WDR44: variants seen among roughly 807,000 people sequenced by gnomAD.
WDR44 encodes the protein WD repeat domain 44, also known as WD repeat-containing protein 44.
A neutral mutation model predicts 65.7 loss-of-function variants in WDR44; 9 were observed. That is an observed-to-expected ratio of 0.14 (90% CI 0.08 to 0.24). The LOEUF is 0.24. Among genes scored for constraint, WDR44 ranks in the 10% least tolerant of loss-of-function variants. The probability of loss-of-function intolerance (pLI) is 1.00; values close to 1 mark genes in which losing one functional copy is unlikely to be tolerated. For missense variants in WDR44, 425 were observed against 670.9 expected (o/e 0.63, Z 4.05); for synonymous variants, 220 against 235.2 (o/e 0.94, Z 0.59).
intron 1 of WDR44, among the ~76,000 whole-genome samples, chrX:118,353,912 A>C (rs1038823062): frequency 1.5e-4 from 17 of 112,422 alleles, no homozygotes; most frequent in Non-Finnish European, 2.4e-4. Context: ...AGATTAATTC[A>C]TTTTAATTTG....
chrX:118,432,994 T>G, intron 13 of WDR44, 100 bp downstream of exon 13: 1 of 720,830 alleles, frequency 1.4e-6, no homozygotes. Context: ...CTCAGTTTTT[T>G]GTCTTAAGGC....
intron 7 of WDR44, among the ~76,000 whole-genome samples, chrX:118,397,872 A>G (rs1027800066): frequency 8.9e-6 from 1 of 112,367 alleles, no homozygotes; most frequent in African/African-American, 3.2e-5. Context: ...CATGTTGTAC[A>G]TTGAACCTTG....
At chrX:118,367,100 A>T (rs1423490111) in intron 1 of WDR44, among the ~76,000 whole-genome samples, 1 of 111,709 alleles carries the variant, frequency 9.0e-6, no homozygotes, top group Non-Finnish European at 1.9e-5. Flanking sequence ...AAAAAAAAAA[A>T]TGAAATGGTT....
chrX:118,395,451 A>G (rs2056857798), intron 6 of WDR44, 107 bp downstream of exon 6: 3 of 601,776 alleles, frequency 5.0e-6, no homozygotes, highest in African/African-American at 2.3e-5. Context: ...TTGCATGACA[A>G]TGTGAATGTA....
At chrX:118,352,340 ATATATATATATATTTTT>A (rs1455869137) in intron 1 of WDR44, among the ~76,000 whole-genome samples, 1 of 19,861 alleles carries the variant, frequency 5.0e-5, no homozygotes, top group African/African-American at 4.9e-4. Flanking sequence ...ATATATATAT[ATATATATATATATTTTT>A]TTTTTTTTTT....
intron 5 of WDR44, 43 bp downstream of exon 5, chrX:118,394,228 C>G: frequency 8.4e-7 from 1 of 1,197,217 alleles, no homozygotes; most frequent in African/African-American, 1.7e-5. Context: ...TTTATCAGCT[C>G]CCTGCAACTG....
intron 2 of WDR44, among the ~76,000 whole-genome samples, chrX:118,378,791 T>TG (rs1248827765): frequency 9.7e-6 from 1 of 102,937 alleles, no homozygotes; most frequent in Non-Finnish European, 1.9e-5. Context: ...CTCAACACAT[T>TG]GGGGGGCTGA....
intron 1 of WDR44, among the ~76,000 whole-genome samples, chrX:118,348,342 T>C (rs1009944505): frequency 3.6e-5 from 4 of 112,281 alleles, no homozygotes; most frequent in Admixed American, 9.5e-5. Flanking sequence ...GGATGAGTCA[T>C]TTTGATAGAA....
At chrX:118,372,946 G>A (rs1203303274) in intron 1 of WDR44, among the ~76,000 whole-genome samples, 1 of 110,849 alleles carries the variant, frequency 9.0e-6, no homozygotes, top group Non-Finnish European at 1.9e-5. Context: ...AAAATAAGCC[G>A]GGCTTGGGGG....
chrX:118,445,849 G>T (rs762288032), intron 19 of WDR44, among the ~76,000 whole-genome samples: 1 of 110,512 alleles, frequency 9.0e-6, no homozygotes, highest in African/African-American at 3.3e-5. Context: ...CCAACATGGT[G>T]AAACCCCGTC....
At chrX:118,403,066 A>G (rs951197135) in intron 8 of WDR44, among the ~76,000 whole-genome samples, 2 of 112,122 alleles carry the variant, frequency 1.8e-5, no homozygotes, top group African/African-American at 3.2e-5. Flanking sequence ...TAGCGTGGAA[A>G]CACTGGACAG....
rs746709223 is a variant in WDR44, at chrX:118,444,468, C to G, written c.2621C>G (p.Ala874Gly). ...KSEGNEKSED[A>G]EVLDATPSGI... ...GAAGGGAACGAGAAAAGTGAAGATG[C>G]TGAAGTTTTGGATGCCACACCTTCT... The change falls in exon 19 of 20, where the codon GCT (alanine) becomes GGT (glycine). Residue 874 changes from alanine to glycine, a missense_variant. Transcript: ENST00000254029. The G allele has an allele frequency of 3.3e-6, 4 of 1,211,259 alleles. No homozygotes were observed. Among genetic ancestry groups the G allele is most frequent in the Non-Finnish European group, 4.5e-6 (4 of 895,061 alleles).
At chrX:118,384,826 C>T (rs1012441410) in intron 2 of WDR44, among the ~76,000 whole-genome samples, 6 of 111,494 alleles carry the variant, frequency 5.4e-5, no homozygotes, top group Non-Finnish European at 1.1e-4. Flanking sequence ...AATGTTTTTC[C>T]ATTTGTTTGT....
chrX:118,376,545 CA>C (rs973393888), intron 1 of WDR44, among the ~76,000 whole-genome samples: 184 of 107,594 alleles, frequency 1.7e-3, no homozygotes, highest in African/African-American at 5.1e-3. Flanking sequence ...TGGATTTTAC[CA>C]AAAAAAAATT....
chrX:118,446,856 T>C (rs1300373046), intron 19 of WDR44, among the ~76,000 whole-genome samples: 1 of 110,730 alleles, frequency 9.0e-6, no homozygotes, highest in Non-Finnish European at 1.9e-5. Context: ...TTTTTCTTTT[T>C]TTTTTTAACT....
rs547508565 is a variant in WDR44, at chrX:118,402,458, A to AAAAAG, written c.1275-1879_1275-1878insAAAGA. ...CTCAAAAAAAAAAAAAAAAAAAAAAAACATTCAGGATGGGTGCAATGGCTC... is the reference window on the plus strand; with the variant it reads ...CTCAAAAAAAAAAAAAAAAAAAAAAAAAAAGACATTCAGGATGGGTGCAATGGCTC... On this transcript the variant is annotated intron_variant, in intron 8 of 19. Coordinates refer to ENST00000254029, the MANE Select transcript of WDR44 (RefSeq NM_019045.5). 3.9e-4 allele frequency among the ~76,000 whole-genome samples: 33 copies of AAAAAG among 85,358 alleles called. 2 individuals carry two copies. The highest frequency in any genetic ancestry group is 1.2e-3 in the Admixed American group (8 of 6,530). The allele number at this position is 85,358 out of a possible 115,157, so 74.1% of individuals were successfully genotyped here. A position where few individuals can be genotyped will look rare whatever the true frequency, so the allele number is the denominator to read the frequency against.
intron 1 of WDR44, among the ~76,000 whole-genome samples, chrX:118,352,441 A>C (rs2147659187): frequency 1.1e-5 from 1 of 91,642 alleles, no homozygotes; most frequent in Non-Finnish European, 2.1e-5. Flanking sequence ...GATCCACCCA[A>C]CCTCGACCTC....
chrX:118,349,917 G>A (rs1404330946), intron 1 of WDR44, among the ~76,000 whole-genome samples: 2 of 109,476 alleles, frequency 1.8e-5, no homozygotes, highest in Non-Finnish European at 3.8e-5. Context: ...GGCAGAACTG[G>A]GATTTGAAAC....
chrX:118,347,213 A>G (rs141646239), intron 1 of WDR44, among the ~76,000 whole-genome samples: 1,353 of 112,231 alleles, frequency 0.012, 25 homozygotes, highest in African/African-American at 0.042. Flanking sequence ...CACGGTCCCT[A>G]TTAGGCAGAA....
Sources: gnomAD v4.1 joint callset for allele counts (sites outside exome capture counted in the v4.1 genomes callset) on GRCh38, gnomAD v4.1.1 for gene constraint, MANE v1.5 for transcripts, NCBI Gene and HGNC (gene_info 2026-07-23, HGNC 2026-07-21) for gene names.